CDC42SE2: variants seen among roughly 807,000 people sequenced by gnomAD.
CDC42SE2 encodes CDC42 small effector 2.
A neutral mutation model predicts 11.5 loss-of-function variants in CDC42SE2; 3 were observed. The ratio of observed to expected loss-of-function variants is 0.26; its 90% CI spans 0.12 to 0.67. CDC42SE2 has a LOEUF of 0.67. Ranked by LOEUF, CDC42SE2 falls within the 30% of genes least tolerant of loss-of-function variation. The pLI, the probability that CDC42SE2 is intolerant of heterozygous loss-of-function variation, is 0.80. For missense variants in CDC42SE2, 82 were observed against 106.8 expected, an observed-to-expected ratio of 0.77 and a Z score of 1.02; for synonymous variants, 33 against 34.8, an observed-to-expected ratio of 0.95 and a Z score of 0.18.
the CDC42SE2 span, among the ~76,000 whole-genome samples, chr5:131,228,061 G>A: frequency 6.6e-6 from 1 of 152,174 alleles, no homozygotes; most frequent in African/African-American, 2.4e-5. Context: ...ACAAAAAATA[G>A]CCAGGCATGG....
intron 3 of CDC42SE2, among the ~76,000 whole-genome samples, chr5:131,366,567 T>G (rs745927215): frequency 3.3e-5 from 5 of 152,192 alleles, no homozygotes; most frequent in African/African-American, 7.2e-5. Flanking sequence ...TTGTTTGTTT[T>G]TTTGTTTTTT....
At chr5:131,319,144 A>T (rs248652) in intron 2 of CDC42SE2, among the ~76,000 whole-genome samples, 35,159 of 151,862 alleles carry the variant, frequency 0.23, 4,449 homozygotes, top group East Asian at 0.49. Context: ...ACCTCAAATG[A>T]TCCACCTGCT....
intron 3 of CDC42SE2, among the ~76,000 whole-genome samples, chr5:131,368,270 A>C (rs965341537): frequency 2.0e-5 from 3 of 151,908 alleles, no homozygotes; most frequent in Non-Finnish European, 2.9e-5. Flanking sequence ...AAAAAAAAAA[A>C]AAAGAAGTCT....
chr5:131,266,146 T>A (rs1367242173), intron 1 of CDC42SE2, among the ~76,000 whole-genome samples: 1 of 152,200 alleles, frequency 6.6e-6, no homozygotes, highest in Admixed American at 6.5e-5. Flanking sequence ...ACTACTAATT[T>A]AAAAGGATGA....
intron 1 of CDC42SE2, among the ~76,000 whole-genome samples, chr5:131,292,559 C>CAAAAA (rs58166806): frequency 1.7e-5 from 2 of 117,882 alleles, no homozygotes; most frequent in African/African-American, 6.8e-5. Flanking sequence ...GACTCCATCT[C>CAAAAA]AAAAAAAAAA....
At chr5:131,354,490 T>C (rs1323135543) in intron 2 of CDC42SE2, among the ~76,000 whole-genome samples, 1 of 152,206 alleles carries the variant, frequency 6.6e-6, no homozygotes, top group Non-Finnish European at 1.5e-5. Flanking sequence ...AACAAAATAG[T>C]TTAAATTGTT....
rs1252910961 is a variant in CDC42SE2 at position 131,393,844 on chromosome 5, G to A, written c.*2753G>A. On this transcript the variant is annotated 3_prime_UTR_variant, in exon 5 of 5. Coordinates refer to ENST00000505065, the MANE Select transcript of CDC42SE2 (RefSeq NM_001375635.1). ...TTTTTTTTTTTTTTTTTTTTTTTTTGCTGCTCCAACGACCAGCATGTGTTG... is the reference window on the plus strand; with the variant it reads ...TTTTTTTTTTTTTTTTTTTTTTTTTACTGCTCCAACGACCAGCATGTGTTG... 1.6e-4 allele frequency: 1 copy of A among 6,178 alleles called. No individual in the cohort carries two copies. The highest frequency in any genetic ancestry group is 4.4e-4 in the Non-Finnish European group (1 of 2,256). The allele number at this position is 6,178 out of a possible 1,614,324, so 0.4% of individuals were successfully genotyped here. A position where few individuals can be genotyped will look rare whatever the true frequency, so the allele number is the denominator to read the frequency against.
intron 2 of CDC42SE2, among the ~76,000 whole-genome samples, chr5:131,343,632 G>T (rs1394884478): frequency 2.6e-5 from 4 of 151,832 alleles, no homozygotes; most frequent in Non-Finnish European, 5.9e-5. Context: ...AGAATTGCTG[G>T]AACCCAGGAG....
intron 3 of CDC42SE2, among the ~76,000 whole-genome samples, chr5:131,368,709 C>T (rs568721731): frequency 6.6e-6 from 1 of 152,244 alleles, no homozygotes; most frequent in South Asian, 2.1e-4. Context: ...ACCCATCTCT[C>T]AGCTTCAACA....
chr5:131,340,953 A>G (rs1758697895), intron 2 of CDC42SE2, among the ~76,000 whole-genome samples: 1 of 152,196 alleles, frequency 6.6e-6, no homozygotes, highest in South Asian at 2.1e-4. Context: ...CTGGTATTAC[A>G]GGCACGAACC....
intron 1 of CDC42SE2, among the ~76,000 whole-genome samples, chr5:131,296,380 A>T (rs987264897): frequency 6.6e-6 from 1 of 152,238 alleles, no homozygotes; most frequent in African/African-American, 2.4e-5. Flanking sequence ...GGCTTAAGAC[A>T]ACAGAAATGT....
At chr5:131,217,509 T>G in the CDC42SE2 span, among the ~76,000 whole-genome samples, 1 of 152,216 alleles carries the variant, frequency 6.6e-6, no homozygotes, top group Admixed American at 6.5e-5. Context: ...CAACAAACAG[T>G]ACTGAGTGAA....
At chr5:131,337,763 T>C (rs1214492285) in intron 2 of CDC42SE2, among the ~76,000 whole-genome samples, 1 of 152,256 alleles carries the variant, frequency 6.6e-6, no homozygotes, top group Non-Finnish European at 1.5e-5. Flanking sequence ...TAGGACCCTC[T>C]GAGCCATGTG....
the CDC42SE2 span, among the ~76,000 whole-genome samples, chr5:131,229,058 T>A: frequency 6.6e-6 from 1 of 152,166 alleles, no homozygotes; most frequent in African/African-American, 2.4e-5. Flanking sequence ...GTTTCTGAAG[T>A]CCCAGAATGC....
chr5:131,288,753 T>C (rs913075520), intron 1 of CDC42SE2, among the ~76,000 whole-genome samples: 1 of 152,214 alleles, frequency 6.6e-6, no homozygotes, highest in African/African-American at 2.4e-5. Context: ...ACCTGGAAAC[T>C]TAACTGCTTT....
chr5:131,366,580 A>G (rs548964856), intron 3 of CDC42SE2, among the ~76,000 whole-genome samples: 3 of 151,568 alleles, frequency 2.0e-5, no homozygotes, highest in South Asian at 2.1e-4. Context: ...TGTTTTTTTT[A>G]CTACATACCT....
intron 3 of CDC42SE2, among the ~76,000 whole-genome samples, chr5:131,367,139 GTATA>G (rs111863431): frequency 6.6e-6 from 1 of 150,832 alleles, no homozygotes; most frequent in African/African-American, 2.4e-5. Context: ...ACATATGTGT[GTATA>G]TATATATCAT....
At chr5:131,276,331 C>G (rs1283825170) in intron 1 of CDC42SE2, among the ~76,000 whole-genome samples, 1 of 150,816 alleles carries the variant, frequency 6.6e-6, no homozygotes, top group African/African-American at 2.4e-5. Flanking sequence ...CACCCATAGT[C>G]CCTCCTACTC....
At chr5:131,277,069 C>T (rs987884114) in intron 1 of CDC42SE2, among the ~76,000 whole-genome samples, 28 of 151,662 alleles carry the variant, frequency 1.8e-4, no homozygotes, top group African/African-American at 6.8e-4. Context: ...AGCCTGTTTA[C>T]ATACCAAATA....
Sources: allele counts gnomAD v4.1 joint callset (sites outside exome capture counted in the v4.1 genomes callset), GRCh38; gene constraint gnomAD v4.1.1; transcripts MANE v1.5; gene names NCBI Gene and HGNC (gene_info 2026-07-23, HGNC 2026-07-21).